Variants in TBC1D5 observed in about 807,000 individuals in gnomAD.
TBC1D5 encodes the protein TBC1 domain family member 5.
In TBC1D5, 75 loss-of-function variants were observed where a neutral mutation model predicts 100.3. That is an observed-to-expected ratio of 0.75 (90% CI 0.62 to 0.91). The LOEUF is 0.91. TBC1D5 is among the 40% of genes least tolerant of loss of function. TBC1D5 has a pLI of 0.00. For missense variants in TBC1D5, 910 were observed against 942.4 expected (o/e 0.97, Z 0.45); for synonymous variants, 323 against 325.6 (o/e 0.99, Z 0.09).
intron 2 of TBC1D5, among the ~76,000 whole-genome samples, chr3:17,579,721 T>C (rs2096681216): frequency 6.6e-6 from 1 of 152,136 alleles, no homozygotes; most frequent in Admixed American, 6.6e-5. Flanking sequence ...TTATAAAGGA[T>C]ACATTATTTT....
At chr3:17,499,556 G>A (rs574387617) in intron 3 of TBC1D5, among the ~76,000 whole-genome samples, 2 of 148,638 alleles carry the variant, frequency 1.3e-5, no homozygotes, top group South Asian at 4.3e-4. Context: ...TTTGCCGGGT[G>A]TGGTGACGCA....
chr3:17,252,633 G>A (rs757425308), intron 16 of TBC1D5, among the ~76,000 whole-genome samples: 4 of 152,120 alleles, frequency 2.6e-5, no homozygotes, highest in Admixed American at 6.6e-5. Flanking sequence ...AAAGCCTAGC[G>A]GCCAATAATT....
chr3:17,362,278 T>C (rs141385206), intron 13 of TBC1D5, among the ~76,000 whole-genome samples: 210 of 152,226 alleles, frequency 1.4e-3, no homozygotes, highest in African/African-American at 4.7e-3. Flanking sequence ...GTTGATAAAT[T>C]AGGTTTCAAC....
chr3:17,191,912 T>G (rs1237832578), intron 18 of TBC1D5, among the ~76,000 whole-genome samples: 5 of 152,052 alleles, frequency 3.3e-5, no homozygotes, highest in Non-Finnish European at 7.4e-5. Flanking sequence ...GCATGAGTCA[T>G]CGCACCCAAC....
At chr3:17,665,026 C>G (rs1366623396) in intron 1 of TBC1D5, 1 of 58,406 alleles carries the variant, frequency 1.7e-5, no homozygotes, top group African/African-American at 6.4e-5. Flanking sequence ...GAAAGCCCCG[C>G]TATTTAAAAA....
chr3:17,426,456 T>G (rs996340121), intron 4 of TBC1D5, among the ~76,000 whole-genome samples: 1 of 152,100 alleles, frequency 6.6e-6, no homozygotes, highest in African/African-American at 2.4e-5. Context: ...ACAACAGCAC[T>G]GGCCTGCCAA....
rs1424073942 is a variant in TBC1D5, at chr3:17,608,121, G to C, written c.-36+15728C>G. ...AAAATACAAAAATTAACCAGGCATG[G>C]TGGCGCGTGCCTGTAATCCCAGATA... On this transcript the variant is annotated intron_variant, in intron 2 of 21. Coordinates refer to ENST00000253692, the Ensembl canonical transcript of TBC1D5. Among the ~76,000 whole-genome samples, 3 of 152,138 alleles carry C rather than the reference G, an allele frequency of 2.0e-5. No individual in the cohort carries two copies. The East Asian group carries it at 5.8e-4, about 29-fold the overall frequency.
At chr3:17,604,124 G>A (rs1416211530) in intron 2 of TBC1D5, among the ~76,000 whole-genome samples, 1 of 151,534 alleles carries the variant, frequency 6.6e-6, no homozygotes, top group East Asian at 1.9e-4. Flanking sequence ...TAATTTCTTT[G>A]TTTTGTTTTG....
intron 1 of TBC1D5, among the ~76,000 whole-genome samples, chr3:17,646,636 T>A (rs762868026): frequency 1.3e-5 from 2 of 152,174 alleles, no homozygotes; most frequent in Non-Finnish European, 2.9e-5. Flanking sequence ...CCTGGACTAA[T>A]GTTCACGAAA....
At chr3:17,481,743 A>AT (rs554492081) in intron 3 of TBC1D5, among the ~76,000 whole-genome samples, 62 of 151,418 alleles carry the variant, frequency 4.1e-4, no homozygotes, top group African/African-American at 1.2e-3. Flanking sequence ...AAATGACTTT[A>AT]TTTTTTTTTG....
At chr3:17,575,653 A>T (rs973027251) in intron 2 of TBC1D5, among the ~76,000 whole-genome samples, 2 of 152,110 alleles carry the variant, frequency 1.3e-5, no homozygotes, top group African/African-American at 4.8e-5. Flanking sequence ...TATGATGGGG[A>T]GGATTCGTTC....
At chr3:17,589,007 T>A (rs9755836) in intron 2 of TBC1D5, among the ~76,000 whole-genome samples, 1 of 152,164 alleles carries the variant, frequency 6.6e-6, no homozygotes, top group Non-Finnish European at 1.5e-5. Context: ...ACATTCCACA[T>A]AGTAAACATA....
At chr3:17,400,924 T>C (rs2093627485) in intron 8 of TBC1D5, among the ~76,000 whole-genome samples, 1 of 152,154 alleles carries the variant, frequency 6.6e-6, no homozygotes, top group Non-Finnish European at 1.5e-5. Flanking sequence ...AAGGCTGCAC[T>C]GTCGGCTTCC....
intron 19 of TBC1D5, among the ~76,000 whole-genome samples, chr3:17,181,599 G>A (rs547294640): frequency 6.6e-6 from 1 of 152,306 alleles, no homozygotes; most frequent in South Asian, 2.1e-4. Flanking sequence ...TCATGAGGTT[G>A]TCTGTTTCTC....
At chr3:17,471,037 A>G (rs2095367001) in intron 3 of TBC1D5, among the ~76,000 whole-genome samples, 1 of 152,208 alleles carries the variant, frequency 6.6e-6, no homozygotes, top group South Asian at 2.1e-4. Flanking sequence ...AATAGATGTC[A>G]TTGCAAGGGG....
In TBC1D5 at chr3:17,298,146, C is replaced by T. The variant is rs1462385963; in HGVS notation, c.1139-6145G>A. On this transcript the variant is annotated intron_variant, in intron 14 of 21. Coordinates refer to ENST00000253692, the Ensembl canonical transcript of TBC1D5. ...TTATATCTGAAAATAGACATACATA[C>T]ACTTTATTTCATTGTGTTTTGTGAT... Among the ~76,000 whole-genome samples, 3 of 152,194 alleles carry T rather than the reference C, an allele frequency of 2.0e-5. No homozygotes were observed. The East Asian group carries it at 5.8e-4, about 29-fold the overall frequency.
chr3:17,322,212 T>C (rs933064398), intron 13 of TBC1D5, among the ~76,000 whole-genome samples: 1 of 152,256 alleles, frequency 6.6e-6, no homozygotes, highest in Non-Finnish European at 1.5e-5. Context: ...TTGTCTGATA[T>C]GAACATCATT....
At chr3:17,183,194 T>C (rs897077527) in intron 19 of TBC1D5, among the ~76,000 whole-genome samples, 2 of 152,302 alleles carry the variant, frequency 1.3e-5, no homozygotes, top group Non-Finnish European at 2.9e-5. Flanking sequence ...ACCTGGAAGA[T>C]AAGGCAATGA....
chr3:17,276,170 T>C (rs1349695917), intron 15 of TBC1D5, among the ~76,000 whole-genome samples: 2 of 152,194 alleles, frequency 1.3e-5, no homozygotes, highest in Admixed American at 1.3e-4. Context: ...GGCTCATTCC[T>C]CGGTTCATAG....
Sources: gnomAD v4.1 joint callset for allele counts (sites outside exome capture counted in the v4.1 genomes callset) on GRCh38, gnomAD v4.1.1 for gene constraint, MANE v1.5 for transcripts, NCBI Gene and HGNC (gene_info 2026-07-23, HGNC 2026-07-21) for gene names.